Variants in NUP160 observed in about 807,000 individuals in gnomAD.
NUP160 encodes the protein nuclear pore complex protein Nup160.
Under a neutral mutation model 196.9 loss-of-function variants are expected in NUP160, and 94 were observed. The observed-to-expected ratio is 0.48, with a 90% CI of 0.40 to 0.57. The LOEUF is 0.57. NUP160 is among the 20% of genes least tolerant of loss of function. NUP160 has a pLI of 0.00. For missense variants in NUP160, 1,638 were observed against 1,748.3 expected (o/e 0.94, Z 1.13); for synonymous variants, 605 against 619.7 (o/e 0.98, Z 0.35).
At chr11:47,805,923 C>A (rs1599320390) in intron 20 of NUP160, among the ~76,000 whole-genome samples, 2 of 151,938 alleles carry the variant, frequency 1.3e-5, no homozygotes, top group African/African-American at 4.8e-5. Context: ...CAAGTTCAAG[C>A]AAGTCTCAGC....
intron 7 of NUP160, among the ~76,000 whole-genome samples, chr11:47,823,198 T>G (rs2135386165): frequency 6.6e-6 from 1 of 152,328 alleles, no homozygotes; most frequent in East Asian, 1.9e-4. Context: ...CCACTTTATT[T>G]TAATGTAGTA....
chr11:47,784,921 C>T lies in NUP160; in HGVS notation c.3990+1G>A. The T allele has an allele frequency of 1.3e-6, 2 of 1,585,374 alleles. No individual in the cohort carries two copies. The highest frequency in any genetic ancestry group is 1.7e-6 in the Non-Finnish European group (2 of 1,165,278). ...CTCTGTACAAGTTATAATCCGTTTA[C>T]CTTGTAACTGTTTATAAGCCAATTA... On this transcript the variant is annotated splice_donor_variant, in intron 33 of 35. Transcript: ENST00000378460. LOFTEE classifies it high-confidence loss of function.
chr11:47,779,703 G>C, intron 35 of NUP160: 1 of 423,616 alleles, frequency 2.4e-6, no homozygotes, highest in Non-Finnish European at 4.6e-6. Context: ...CCTCAGGACA[G>C]TGATAATTTA....
intron 7 of NUP160, among the ~76,000 whole-genome samples, chr11:47,832,927 C>T (rs1852104946): frequency 6.6e-6 from 1 of 151,980 alleles, no homozygotes; most frequent in South Asian, 2.1e-4. Context: ...CATAATATGA[C>T]CAGAATAAGT....
intron 7 of NUP160, among the ~76,000 whole-genome samples, chr11:47,824,012 TATATATATA>T (rs1851914465): frequency 4.7e-5 from 1 of 21,396 alleles, no homozygotes; most frequent in South Asian, 2.5e-3. Context: ...CTTTTGCATA[TATATATATA>T]TATATATATA....
At chr11:47,847,166 C>T (rs1852416007) in intron 2 of NUP160, among the ~76,000 whole-genome samples, 1 of 152,132 alleles carries the variant, frequency 6.6e-6, no homozygotes, top group South Asian at 2.1e-4. Context: ...AAACCCGCCA[C>T]ATTCTTTCCA....
chr11:47,827,100 T>C (rs1459224710), intron 7 of NUP160: 9 of 455,996 alleles, frequency 2.0e-5, no homozygotes, highest in African/African-American at 8.0e-5. Flanking sequence ...GGTGCTGTGG[T>C]TCACACTTGT....
chr11:47,811,006 G>C (rs1237985131), intron 17 of NUP160, among the ~76,000 whole-genome samples: 1 of 152,036 alleles, frequency 6.6e-6, no homozygotes, highest in African/African-American at 2.4e-5. Flanking sequence ...TACTGACTTA[G>C]AAAAAAATGG....
chr11:47,809,609 G>A (rs1479064614), intron 17 of NUP160, among the ~76,000 whole-genome samples: 1 of 151,838 alleles, frequency 6.6e-6, no homozygotes, highest in Admixed American at 6.6e-5. Flanking sequence ...ATTAGCTGGT[G>A]TAGTGGTGCG....
chr11:47,821,931 G>T, intron 8 of NUP160, 110 bp from the exon 9 acceptor site: 1 of 1,006,242 alleles, frequency 9.9e-7, no homozygotes, highest in Non-Finnish European at 1.5e-6. Context: ...ACAAAACATG[G>T]TACCACATGA....
chr11:47,822,690 C>T (rs774517022), intron 7 of NUP160, among the ~76,000 whole-genome samples: 3 of 151,776 alleles, frequency 2.0e-5, no homozygotes, highest in South Asian at 2.1e-4. Flanking sequence ...ATTTACATTA[C>T]GTATATCTCC....
intron 2 of NUP160, among the ~76,000 whole-genome samples, chr11:47,847,270 G>A (rs528166808): frequency 8.9e-4 from 136 of 152,184 alleles, no homozygotes; most frequent in Non-Finnish European, 1.5e-3. Flanking sequence ...AGATCTCAGG[G>A]TAACTGTGAA....
At chr11:47,843,437 T>C (rs1046351024) in intron 2 of NUP160, among the ~76,000 whole-genome samples, 3 of 152,204 alleles carry the variant, frequency 2.0e-5, no homozygotes, top group African/African-American at 7.2e-5. Flanking sequence ...CCACGTTCTT[T>C]GTTCAACTCT....
intron 22 of NUP160, among the ~76,000 whole-genome samples, chr11:47,802,299 C>T (rs776098542): frequency 5.3e-5 from 8 of 152,012 alleles, no homozygotes; most frequent in East Asian, 1.9e-4. Context: ...GGCGTGGTGG[C>T]GTGCACCTGT....
chr11:47,817,905 T>A (rs1851770516), intron 11 of NUP160, 151 bp downstream of exon 11: 8 of 562,616 alleles, frequency 1.4e-5, no homozygotes, highest in Non-Finnish European at 1.9e-5. Flanking sequence ...GGAAAGAACA[T>A]TAAAAAAATT....
intron 29 of NUP160, 79 bp downstream of exon 29, chr11:47,791,851 A>G (rs1301761425): frequency 1.0e-6 from 1 of 961,804 alleles, no homozygotes; most frequent in Non-Finnish European, 1.6e-6. Flanking sequence ...ATTTAACTAC[A>G]TATTTCTATC....
At chr11:47,805,571 G>A (rs2097677048) in intron 20 of NUP160, among the ~76,000 whole-genome samples, 1 of 150,720 alleles carries the variant, frequency 6.6e-6, no homozygotes, top group African/African-American at 2.4e-5. Context: ...CAGCTTCCAA[G>A]TAGCTGGGAC....
At chr11:47,803,181 A>AATAATAATAAT (rs2097675373) in intron 22 of NUP160, among the ~76,000 whole-genome samples, 2 of 85,468 alleles carry the variant, frequency 2.3e-5, no homozygotes, top group Non-Finnish European at 5.4e-5. Flanking sequence ...ATAATAATAA[A>AATAATAATAAT]AGGAATCTCT....
At chr11:47,811,513 A>G (rs919989136) in intron 17 of NUP160, among the ~76,000 whole-genome samples, 2 of 151,732 alleles carry the variant, frequency 1.3e-5, no homozygotes, top group Non-Finnish European at 2.9e-5. Context: ...AGAGACAGGA[A>G]AAAAAAAGAG....
Sources: allele counts gnomAD v4.1 joint callset (sites outside exome capture counted in the v4.1 genomes callset), GRCh38; gene constraint gnomAD v4.1.1; transcripts MANE v1.5; gene names NCBI Gene and HGNC (gene_info 2026-07-23, HGNC 2026-07-21).